Variants in MYO1B observed in about 807,000 individuals in gnomAD.
MYO1B encodes the protein unconventional myosin-Ib.
Under a neutral mutation model 159.7 loss-of-function variants are expected in MYO1B, and 72 were observed. The ratio of observed to expected loss-of-function variants is 0.45; its 90% confidence interval spans 0.37 to 0.55. The LOEUF is 0.55. MYO1B is among the 20% of genes least tolerant of loss of function. MYO1B has a pLI of 0.00. For synonymous variants in MYO1B, 468 were observed against 473.8 expected (o/e 0.99, Z 0.16); for missense variants, 1,062 against 1,364.8 (o/e 0.78, Z 3.50).
At chr2:191,308,756 C>G (rs1449356918) in intron 3 of MYO1B, among the ~76,000 whole-genome samples, 2 of 152,184 alleles carry the variant, frequency 1.3e-5, no homozygotes, top group Non-Finnish European at 2.9e-5. Flanking sequence ...AACTTCTTTT[C>G]AAGATCATTT....
chr2:191,416,394 C>T, intron 30 of MYO1B, 152 bp downstream of exon 30: 1 of 829,974 alleles, frequency 1.2e-6, no homozygotes, highest in Non-Finnish European at 1.9e-6. Context: ...GTGAATGACA[C>T]TGACCAAGTC....
intron 20 of MYO1B, among the ~76,000 whole-genome samples, chr2:191,394,538 A>G (rs1459744267): frequency 6.6e-6 from 1 of 152,266 alleles, no homozygotes; most frequent in Non-Finnish European, 1.5e-5. Flanking sequence ...CCTAAAGTTT[A>G]TATCTAGTGA....
chr2:191,363,700 A>T, intron 9 of MYO1B, 28 bp from the exon 10 acceptor site: 1 of 1,569,956 alleles, frequency 6.4e-7, no homozygotes, highest in Middle Eastern at 1.7e-4. Flanking sequence ...TAAGAAAAAA[A>T]TAGTTGCTTT....
At chr2:191,353,545 G>A (rs1693064026) in intron 7 of MYO1B, among the ~76,000 whole-genome samples, 1 of 152,204 alleles carries the variant, frequency 6.6e-6, no homozygotes, top group Non-Finnish European at 1.5e-5. Context: ...CTTATCAAGA[G>A]TCTAGTGTAA....
chr2:191,409,173 T>C lies in MYO1B; in HGVS notation c.2761T>C (p.Trp921Arg). The C allele has an allele frequency of 6.2e-7, 1 of 1,606,386 alleles. No individual in the cohort carries two copies. Among genetic ancestry groups the C allele is most frequent in the Non-Finnish European group, 8.5e-7 (1 of 1,178,162 alleles). The change falls in exon 26 of 31, where the codon TGG (tryptophan) becomes CGG (arginine). Residue 921 changes from tryptophan to arginine, a missense_variant. By Grantham distance (101) the Trp-to-Arg change is moderately radical. Coordinates refer to ENST00000392318, the MANE Select transcript of MYO1B (RefSeq NM_001130158.3). ...GGAGCTAAAAAGGATTTTCCACTTG[T>C]GGAGGGTAAAAAATGTCATATTACA... is the stretch of plus-strand genomic sequence containing the variant. ...HKELKRIFHLWRCKKYRDQFT... is the reference protein window; with the variant it reads ...HKELKRIFHLRRCKKYRDQFT...
intron 30 of MYO1B, among the ~76,000 whole-genome samples, chr2:191,417,314 T>C (rs942147429): frequency 6.6e-6 from 1 of 152,206 alleles, no homozygotes; most frequent in Non-Finnish European, 1.5e-5. Context: ...GAAATTGCTG[T>C]TCGGACTAAA....
intron 24 of MYO1B, 119 bp downstream of exon 24, chr2:191,402,837 A>T: frequency 1.4e-6 from 1 of 700,600 alleles, no homozygotes; most frequent in Middle Eastern, 2.5e-4. Context: ...GTAGAATGTC[A>T]TCTTGCTTAA....
chr2:191,383,159 A>G (rs1356888315), intron 14 of MYO1B, 121 bp from the exon 15 acceptor site: 5 of 570,134 alleles, frequency 8.8e-6, no homozygotes, highest in South Asian at 4.2e-5. Context: ...TACCCATTCT[A>G]TAAAGAAAAT....
At chr2:191,274,193 G>C (rs1687619620) in intron 1 of MYO1B, among the ~76,000 whole-genome samples, 1 of 152,178 alleles carries the variant, frequency 6.6e-6, no homozygotes, top group Admixed American at 6.5e-5. Context: ...CCTTTTCACT[G>C]TGGCTTGCTT....
chr2:191,261,002 C>T (rs1379478456), intron 1 of MYO1B, among the ~76,000 whole-genome samples: 1 of 152,188 alleles, frequency 6.6e-6, no homozygotes, highest in Non-Finnish European at 1.5e-5. Context: ...CTTTAGAAAA[C>T]AGTCTAAGCT....
intron 13 of MYO1B, among the ~76,000 whole-genome samples, chr2:191,373,014 G>A (rs1694471498): frequency 6.8e-6 from 1 of 146,680 alleles, no homozygotes; most frequent in African/African-American, 2.5e-5. Context: ...ACCACGCCCA[G>A]CTAATTTTTG....
chr2:191,268,714 G>A (rs550806458), intron 1 of MYO1B, among the ~76,000 whole-genome samples: 1 of 152,298 alleles, frequency 6.6e-6, no homozygotes, highest in South Asian at 2.1e-4. Context: ...AGTCTGGGAA[G>A]GTTCACCCGC....
At chr2:191,413,956 G>T (rs1697404982) in intron 27 of MYO1B, 92 bp from the exon 28 acceptor site, 1 of 1,282,238 alleles carries the variant, frequency 7.8e-7, no homozygotes, top group South Asian at 1.7e-5. Flanking sequence ...GAAGTTGTCA[G>T]CTACTCCTTA....
At chr2:191,407,911 G>T (rs1344350418) in intron 24 of MYO1B, 1 of 400,050 alleles carries the variant, frequency 2.5e-6, no homozygotes, top group Non-Finnish European at 4.4e-6. Context: ...AATTCATGCT[G>T]GTTTCATCAT....
intron 6 of MYO1B, among the ~76,000 whole-genome samples, chr2:191,348,591 T>C (rs1227057230): frequency 6.6e-6 from 1 of 152,138 alleles, no homozygotes; most frequent in Non-Finnish European, 1.5e-5. Flanking sequence ...GACTGGACTT[T>C]TTTTTTTCCT....
chr2:191,351,850 G>A (rs553256710), intron 7 of MYO1B, among the ~76,000 whole-genome samples: 16 of 152,230 alleles, frequency 1.1e-4, no homozygotes, highest in African/African-American at 3.6e-4. Flanking sequence ...GAGCCACTGC[G>A]CTCCAACCTG....
chr2:191,423,748 T>A, intron 30 of MYO1B, 89 bp from the exon 31 acceptor site: 1 of 1,425,830 alleles, frequency 7.0e-7, no homozygotes, highest in Non-Finnish European at 9.5e-7. Flanking sequence ...CTCGTCAAGA[T>A]CAGTATCCAT....
intron 3 of MYO1B, among the ~76,000 whole-genome samples, chr2:191,312,000 T>C (rs1025745572): frequency 6.6e-6 from 1 of 152,254 alleles, no homozygotes; most frequent in Non-Finnish European, 1.5e-5. Flanking sequence ...CTATGATTGA[T>C]TGTTAATGTC....
intron 2 of MYO1B, among the ~76,000 whole-genome samples, chr2:191,293,269 A>C (rs1050548505): frequency 6.6e-6 from 1 of 152,192 alleles, no homozygotes; most frequent in Non-Finnish European, 1.5e-5. Flanking sequence ...TCAAATGGGA[A>C]GTGCATGCAG....
Sources: allele counts gnomAD v4.1 joint callset (sites outside exome capture counted in the v4.1 genomes callset), GRCh38; gene constraint gnomAD v4.1.1; transcripts MANE v1.5; gene names NCBI Gene and HGNC (gene_info 2026-07-23, HGNC 2026-07-21).